Variants in HMCN2 observed in about 807,000 individuals in gnomAD.
HMCN2 encodes hemicentin-2.
A neutral mutation model predicts 377.5 loss-of-function variants in HMCN2; 325 were observed. The ratio of observed to expected loss-of-function variants is 0.86; its 90% confidence interval spans 0.79 to 0.94. The LOEUF is 0.94. HMCN2 is among the 40% of genes least tolerant of loss of function. The pLI, the probability that HMCN2 is intolerant of heterozygous loss-of-function variation, is 0.00. For missense variants in HMCN2, 4,543 were observed against 4,725.3 expected (o/e 0.96, Z 1.13); for synonymous variants, 2,007 against 2,046.8 (o/e 0.98, Z 0.53).
At position 130,393,761 on chromosome 9, in the gene HMCN2, G is replaced by A. The variant is rs116479983; in HGVS notation, c.10254G>A (p.Pro3418=). 2.9e-4 allele frequency: 363 copies of A among 1,268,664 alleles called. 2 individuals carry two copies. The African/African-American group carries it at 3.9e-3, about 14-fold the overall frequency. The allele number at this position is 1,268,664 out of a possible 1,614,324, so 78.6% of individuals were successfully genotyped here. The change falls in exon 68 of 98, where the codon CCG becomes CCA. Residue 3418 remains proline (P), a synonymous_variant. Transcript: ENST00000683500. The surrounding 1 kb of genome is among the most constrained non-coding windows in gnomAD (Gnocchi z 5.2). ...CCATAGTGCCCCCTGTCCTGGAGCC[G>A]GTGGAGTTCCAGAATGACGTGGTGG... ...LQVQVPPVLE[P]VEFQNDVVVV... is the part of the protein sequence containing the mutation.
chr9:130,295,303 T>C (rs1475888915), intron 5 of HMCN2, among the ~76,000 whole-genome samples: 6 of 152,148 alleles, frequency 3.9e-5, no homozygotes, highest in Admixed American at 6.5e-5. Context: ...CCCAGTGGAT[T>C]CTCATGGTGG....
chr9:130,318,053 G>C (rs1309650087), intron 15 of HMCN2, among the ~76,000 whole-genome samples: 1 of 152,222 alleles, frequency 6.6e-6, no homozygotes, highest in African/African-American at 2.4e-5. Flanking sequence ...GTGACCTTGT[G>C]TAGGGCGGGC....
intron 4 of HMCN2, among the ~76,000 whole-genome samples, chr9:130,290,645 G>A (rs896811816): frequency 1.1e-4 from 16 of 152,146 alleles, no homozygotes; most frequent in African/African-American, 3.9e-4. Context: ...GCTCCCTTCT[G>A]TCCACCCCCA....
chr9:130,376,037 G>A (rs931028115), intron 51 of HMCN2, 48 bp downstream of exon 51: 9 of 835,536 alleles, frequency 1.1e-5, no homozygotes, highest in South Asian at 1.1e-4. Flanking sequence ...AAGACCGCCC[G>A]GGAACCTAGG....
In HMCN2 at chr9:130,323,603, GC is replaced by G. The variant is rs1368367885; in HGVS notation, c.2920+1674del. On this transcript the variant is annotated intron_variant, in intron 19 of 97. Coordinates refer to ENST00000683500, the MANE Select transcript of HMCN2 (RefSeq NM_001291815.2). ...CGCAGCTGGTTCCCAAGCACATGCT[GC>G]CTTCTGTATGGGGAAGACAAAAAAA... Among the ~76,000 whole-genome samples, 41 of 152,324 alleles carry G rather than the reference GC, an allele frequency of 2.7e-4. 1 individual carries two copies. In the East Asian group the frequency reaches 7.9e-3, roughly 29 times the overall value.
At position 130,425,806 on chromosome 9, in the gene HMCN2, C is replaced by T. The variant is rs1396620930; in HGVS notation, c.13761C>T (p.Asn4587=). 19 of 1,550,474 alleles carry T rather than the reference C, an allele frequency of 1.2e-5. No homozygotes were observed. Among genetic ancestry groups the T allele is most frequent in the East Asian group, 7.3e-5 (3 of 40,914 alleles). Residue 4587 remains asparagine, a synonymous_variant, in exon 90 of 98, where the codon AAC becomes AAT. Transcript: ENST00000683500. ...GCTGCAACCACAGCATCCAGTACAA[C>T]GCGGCCCGGGGCCCCCAGCCCCAGC... The part of the protein sequence containing the change: ...FLRCNHSIQY[N]AARGPQPQLV...
At chr9:130,318,138 G>C (rs1224128253) in intron 15 of HMCN2, among the ~76,000 whole-genome samples, 1 of 152,194 alleles carries the variant, frequency 6.6e-6, no homozygotes, top group African/African-American at 2.4e-5. Flanking sequence ...CAGTGAGAAA[G>C]GGTGGTGTCT....
At chr9:130,395,133 G>GGGGGGGGGGGGGGGGGGGGC in intron 70 of HMCN2, 25 bp downstream of exon 70, 1 of 453,786 alleles carries the variant, frequency 2.2e-6, no homozygotes, top group Non-Finnish European at 3.9e-6. Context: ...TGGGGTGGGG[G>GGGGGGGGGGGGGGGGGGGGC]CAGGGCCGGG....
At position 130,427,454 on chromosome 9, in the gene HMCN2, G is replaced by A. The variant is rs1319705251; in HGVS notation, c.13943-43G>A. 3.9e-6 allele frequency: 6 copies of A among 1,550,170 alleles called. No homozygotes were observed. In the African/African-American group the frequency reaches 4.1e-5, roughly 11 times the overall value. The stretch of plus-strand genomic sequence containing the variant: ...ATGGCTTCTCCCAGCCAGCTGGCAG[G>A]AGGGCCTGGGAGCGGAGACCACCAG... On this transcript the variant is annotated intron_variant, in intron 91 of 97. Coordinates refer to ENST00000683500, the MANE Select transcript of HMCN2 (RefSeq NM_001291815.2).
chr9:130,395,178 CT>C (rs1378883187), intron 70 of HMCN2, 32 bp from the exon 71 acceptor site: 2 of 1,284,126 alleles, frequency 1.6e-6, no homozygotes, highest in African/African-American at 3.0e-5. Context: ...GTGAGTCCCC[CT>C]CTCATATCCT....
At chr9:130,386,376 T>C in intron 60 of HMCN2, 67 bp from the exon 61 acceptor site, 4 of 1,053,698 alleles carry the variant, frequency 3.8e-6, no homozygotes, top group Non-Finnish European at 5.2e-6. Flanking sequence ...CCTAGATGCT[T>C]TTGGGGAGCC....
chr9:130,317,935 C>T (rs901600032), intron 15 of HMCN2, among the ~76,000 whole-genome samples: 10 of 152,114 alleles, frequency 6.6e-5, no homozygotes, highest in South Asian at 6.2e-4. Context: ...CTGGGCTCTG[C>T]GGCTGGGCTG....
intron 27 of HMCN2, 57 bp from the exon 28 acceptor site, chr9:130,348,927 G>A: frequency 7.8e-7 from 1 of 1,279,678 alleles, no homozygotes; most frequent in Non-Finnish European, 1.0e-6. Context: ...CATTACTGAT[G>A]CTGGGGGTGG....
At chr9:130,310,969 GA>G (rs1837214882) in intron 15 of HMCN2, among the ~76,000 whole-genome samples, 2 of 152,190 alleles carry the variant, frequency 1.3e-5, no homozygotes, top group African/African-American at 4.8e-5. Context: ...AATGCGGGGA[GA>G]GGGGTGATCA....
rs1683256269 is a variant in HMCN2 at position 130,307,466 on chromosome 9, C to G, written c.2100C>G (p.Val700=). 1 of 471,132 alleles carries G rather than the reference C, an allele frequency of 2.1e-6. No individual in the cohort carries two copies. Among genetic ancestry groups the G allele is most frequent in the Non-Finnish European group, 4.4e-6 (1 of 227,052 alleles). 29.2% of individuals were successfully genotyped at this position (471,132 alleles called of 1,614,324 possible). The change falls in exon 14 of 98, where the codon GTC becomes GTG. Residue 700 remains valine (V), a synonymous_variant. Coordinates refer to ENST00000683500, the MANE Select transcript of HMCN2 (RefSeq NM_001291815.2). ...TTCCCCACACAGACCCACCGTCGGT[C>G]TCTGCTGTAAATGCCGTGGTGCTGG... The part of the protein sequence containing the change: ...VTLYYTDPPS[V]SAVNAVVLVA...
chr9:130,323,622 C>CA (rs1837967626), intron 19 of HMCN2, among the ~76,000 whole-genome samples: 1 of 151,790 alleles, frequency 6.6e-6, no homozygotes, highest in East Asian at 1.9e-4. Flanking sequence ...ATGGGGAAGA[C>CA]AAAAAAACTG....
In HMCN2 at chr9:130,422,724, T is replaced by C; in HGVS notation, c.13379T>C (p.Val4460Ala). 5 of 1,279,770 alleles carry C rather than the reference T, an allele frequency of 3.9e-6. No individual in the cohort carries two copies. The highest frequency in any genetic ancestry group is 5.0e-6 in the Non-Finnish European group (5 of 1,004,680). 79.3% of individuals were successfully genotyped at this position (1,279,770 alleles called of 1,614,324 possible). ...AGCATCCGCCATGTCCCAGCAAACGTGGGTGAGTGGAAGGCAGAGCATCAC... is the reference window on the plus strand; with the variant it reads ...AGCATCCGCCATGTCCCAGCAAACGCGGGTGAGTGGAAGGCAGAGCATCAC... ...HSSIRHVPAN[V>A]GPLMRVLVVT... The change falls in exon 87 of 98, where the codon GTG becomes GCG. Residue 4460 changes from valine to alanine, a missense_variant and splice_region_variant. Physicochemically the swap from Val to Ala is moderately conservative, Grantham distance 64. This residue lies in a region of HMCN2 where 1,155 missense variants were observed against 1,157.7 expected (regional missense o/e 1.00). Transcript: ENST00000683500. This position sits in a 1 kb window ranked among gnomAD's most constrained non-coding sequence, Gnocchi z 4.2.
chr9:130,353,002 G>A lies in HMCN2; in HGVS notation c.4661G>A (p.Cys1554Tyr), dbSNP rs1316584488. The change falls in exon 31 of 98, where the codon TGT (cysteine) becomes TAT (tyrosine). Residue 1554 changes from cysteine to tyrosine, a missense_variant. This residue lies in a region of HMCN2 where 1,032 missense variants were observed against 1,285.1 expected (regional missense o/e 0.80). Coordinates refer to ENST00000683500, the MANE Select transcript of HMCN2 (RefSeq NM_001291815.2). ...GAGGACCACCTAGTGCAGCTCCTGT[G>A]TGAGGCTCGAGGAGTGCCCACCCCA... is the stretch of plus-strand genomic sequence containing the variant. ...VMEDHLVQLL[C>Y]EARGVPTPNI... 2 of 1,304,154 alleles carry A rather than the reference G, an allele frequency of 1.5e-6. No individual in the cohort carries two copies. Among genetic ancestry groups the A allele is most frequent in the South Asian group, 2.5e-5 (2 of 81,018 alleles). The allele number at this position is 1,304,154 out of a possible 1,614,324, so 80.8% of individuals were successfully genotyped here. A position where few individuals can be genotyped will look rare whatever the true frequency, so the allele number is the denominator to read the frequency against.
At chr9:130,277,483 T>A (rs1834757402) in intron 1 of HMCN2, among the ~76,000 whole-genome samples, 1 of 152,188 alleles carries the variant, frequency 6.6e-6, no homozygotes, top group South Asian at 2.1e-4. Context: ...GGACTCTCAT[T>A]TCTACTGCTT....
Sources: allele counts gnomAD v4.1 joint callset (sites outside exome capture counted in the v4.1 genomes callset), GRCh38; gene constraint gnomAD v4.1.1; regional missense constraint gnomAD v4.1.1; non-coding constraint Gnocchi (gnomAD v3.1); transcripts MANE v1.5; gene names NCBI Gene and HGNC (gene_info 2026-07-23, HGNC 2026-07-21).